LPAR5: variants seen among roughly 807,000 people sequenced by gnomAD.
LPAR5 encodes lysophosphatidic acid receptor 5, also known as G protein-coupled receptor 92.
For synonymous variants in LPAR5, 271 were observed against 261.6 expected, an observed-to-expected ratio of 1.04 and a Z score of -0.35; for missense variants, 544 against 521.8, an observed-to-expected ratio of 1.04 and a Z score of -0.41.
chr12:6,627,147 C>A (rs1565387519), intron 1 of LPAR5, among the ~76,000 whole-genome samples: 1 of 152,178 alleles, frequency 6.6e-6, no homozygotes. Context: ...ATAACCACTT[C>A]CAAAAGTGGT....
chr12:6,628,116 G>T (rs553007757), intron 1 of LPAR5, among the ~76,000 whole-genome samples: 1 of 149,216 alleles, frequency 6.7e-6, no homozygotes, highest in African/African-American at 2.4e-5. Context: ...CTGCCTCCCG[G>T]GTTCACGCCA....
chr12:6,628,880 C>T lies in LPAR5; in HGVS notation c.-217+7027G>A, dbSNP rs148214715. On this transcript the variant is annotated intron_variant, in intron 1 of 1. Transcript: ENST00000329858. Reference sequence around the variant, plus strand: ...CTCCCAACCTCAGGTGATCTGCCCGCCTCAGCCTCCAAAAAATGCTGGGAT... The same window carrying T: ...CTCCCAACCTCAGGTGATCTGCCCGTCTCAGCCTCCAAAAAATGCTGGGAT... Among the ~76,000 whole-genome samples the T allele has an allele frequency of 4.5e-3, 689 of 151,718 alleles. 3 individuals are homozygous for T. The highest frequency in any genetic ancestry group is 8.4e-3 in the Non-Finnish European group (569 of 67,916).
intron 1 of LPAR5, among the ~76,000 whole-genome samples, chr12:6,623,075 T>C (rs547232190): frequency 8.9e-4 from 135 of 151,966 alleles, no homozygotes; most frequent in African/African-American, 3.0e-3. Context: ...CTGTCTCTAC[T>C]AAAAATACAA....
rs764254255 is a variant in LPAR5, at chr12:6,620,964, C to T, written c.285G>A (p.Gln95=). The T allele has an allele frequency of 1.8e-5, 29 of 1,613,110 alleles. No homozygotes were observed. The highest frequency in any genetic ancestry group is 1.7e-5 in the Admixed American group (1 of 59,870). Residue 95 remains glutamine (Q), a synonymous_variant, in exon 2 of 2, where the codon CAG becomes CAA. Transcript: ENST00000329858. This position sits in a 1 kb window ranked among gnomAD's most constrained non-coding sequence, Gnocchi z 6.8. ...HHWPFPDLLC[Q]TTGAIFQMNM... ...TCATCTGGAAGATGGCGCCCGTCGTCTGGCACAGGAGGTCGGGGAAGGGCC... is the reference window on the plus strand; with the variant it reads ...TCATCTGGAAGATGGCGCCCGTCGTTTGGCACAGGAGGTCGGGGAAGGGCC...
chr12:6,635,102 AAAG>A (rs1555077336), intron 1 of LPAR5, among the ~76,000 whole-genome samples: 2 of 146,108 alleles, frequency 1.4e-5, no homozygotes, highest in East Asian at 4.0e-4. Flanking sequence ...AAAAAAAAAG[AAAG>A]GAAGGAAGGA....
Position 6,633,901 on chromosome 12 carries a change from C to T in LPAR5, c.-217+2006G>A, listed in dbSNP as rs1020634054. Among the ~76,000 whole-genome samples the T allele has an allele frequency of 2.6e-5, 4 of 152,162 alleles. No homozygotes were observed. The East Asian group carries it at 7.7e-4, about 29-fold the overall frequency. On this transcript the variant is annotated intron_variant, in intron 1 of 1. Transcript: ENST00000329858. ...ATACTGCATGTGAGTAAGTTTCTGT[C>T]TCACCTCAATCCCTGCCTCCATGTC... is the stretch of plus-strand genomic sequence containing the variant.
chr12:6,632,157 G>C (rs1948984282), intron 1 of LPAR5, among the ~76,000 whole-genome samples: 1 of 152,074 alleles, frequency 6.6e-6, no homozygotes, highest in South Asian at 2.1e-4. Flanking sequence ...ATTTTTCGTA[G>C]AGACGGGGTT....
chr12:6,628,682 G>A (rs1948961968), intron 1 of LPAR5, among the ~76,000 whole-genome samples: 1 of 144,708 alleles, frequency 6.9e-6, no homozygotes, highest in Non-Finnish European at 1.5e-5. Context: ...GCCCAGACTG[G>A]AGTGCAATGG....
rs770959420 is a variant in LPAR5, at chr12:6,620,919, G to T, written c.330C>A (p.Ile110=). Residue 110 remains isoleucine (I), a synonymous_variant, in exon 2 of 2, where the codon ATC becomes ATA. Coordinates refer to ENST00000329858, the MANE Select transcript of LPAR5 (RefSeq NM_020400.6). This position sits in a 1 kb window ranked among gnomAD's most constrained non-coding sequence, Gnocchi z 6.8. ...GGTCCACGTTGATGAGCATCAGGAA[G>T]ATGCAGCTGCCGTACATGTTCATCT... ...IFQMNMYGSC[I]FLMLINVDRY... The T allele has an allele frequency of 2.5e-6, 4 of 1,602,578 alleles. No individual in the cohort carries two copies. The highest frequency in any genetic ancestry group is 3.4e-5 in the Admixed American group (2 of 58,232).
At chr12:6,626,067 C>T (rs182931997) in intron 1 of LPAR5, among the ~76,000 whole-genome samples, 33 of 152,138 alleles carry the variant, frequency 2.2e-4, no homozygotes, top group African/African-American at 5.8e-4. Context: ...GTCAGGAGCT[C>T]GAAACCAGCC....
rs376227777 is a variant in LPAR5, at chr12:6,620,745, C to A, written c.504G>T (p.Arg168=). ...CGAAGCATAGGCGCACCTCGAGGTC[C>A]CGGTAGCGGCAACGCGAGGGCCTGT... ...RVHRPSRCRY[R]DLEVRLCFES... The change falls in exon 2 of 2, where the codon CGG becomes CGT. Residue 168 remains arginine, a synonymous_variant. Transcript: ENST00000329858. The surrounding 1 kb of genome is among the most constrained non-coding windows in gnomAD (Gnocchi z 6.8). 1.3e-6 allele frequency: 2 copies of A among 1,592,024 alleles called. No individual in the cohort carries two copies. Among genetic ancestry groups the A allele is most frequent in the East Asian group, 2.3e-5 (1 of 44,208 alleles).
At chr12:6,626,679 ATGTTTTCAGGACTC>A (rs1213671137) in intron 1 of LPAR5, among the ~76,000 whole-genome samples, 4 of 152,096 alleles carry the variant, frequency 2.6e-5, no homozygotes, top group African/African-American at 9.7e-5. Context: ...GACATACCTT[ATGTTTTCAGGACTC>A]TGCCTTTGTA....
intron 1 of LPAR5, among the ~76,000 whole-genome samples, chr12:6,633,392 G>A (rs1423693425): frequency 6.6e-6 from 1 of 151,786 alleles, no homozygotes; most frequent in Non-Finnish European, 1.5e-5. Context: ...TGCTCTTGCC[G>A]GTTCCTTCTC....
chr12:6,621,033 G>C lies in LPAR5; in HGVS notation c.216C>G (p.Thr72=). The C allele has an allele frequency of 6.2e-7, 1 of 1,609,536 alleles. No homozygotes were observed. The highest frequency in any genetic ancestry group is 1.1e-5 in the South Asian group (1 of 90,758). The change falls in exon 2 of 2, where the codon ACC becomes ACG. Residue 72 remains threonine (T), a synonymous_variant. Coordinates refer to ENST00000329858, the MANE Select transcript of LPAR5 (RefSeq NM_020400.6). ...CNLAASDLLF[T]LSLPVRLSYY... The stretch of plus-strand genomic sequence containing the variant: ...AGGAGAGACGAACGGGCAGCGAGAG[G>C]GTGAAGAGCAGGTCGCTGGCCGCCA...
At chr12:6,635,086 CAAA>C (rs11438544) in intron 1 of LPAR5, among the ~76,000 whole-genome samples, 15 of 118,788 alleles carry the variant, frequency 1.3e-4, no homozygotes, top group African/African-American at 2.0e-4. Flanking sequence ...GACTCTGTCT[CAAA>C]AAAAAAAAAA....
intron 1 of LPAR5, among the ~76,000 whole-genome samples, chr12:6,629,721 G>A (rs1035220112): frequency 6.6e-6 from 1 of 150,494 alleles, no homozygotes; most frequent in African/African-American, 2.4e-5. Flanking sequence ...TATTAGTTGA[G>A]CGGCTACTTA....
Position 6,620,349 on chromosome 12 carries a change from G to A in LPAR5, c.900C>T (p.Ser300=), listed in dbSNP as rs1372302644. ...GCAGGGTGTTGCGGAAGCCCTCGGC[G>A]CTAAAGTAGTACACCAGCGGGTCCA... The part of the protein sequence containing the change: ...CVLDPLVYYF[S]AEGFRNTLRG... Residue 300 remains serine, a synonymous_variant, in exon 2 of 2, where the codon AGC becomes AGT. Coordinates refer to ENST00000329858, the MANE Select transcript of LPAR5 (RefSeq NM_020400.6). This position sits in a 1 kb window ranked among gnomAD's most constrained non-coding sequence, Gnocchi z 6.8. 2 of 1,611,004 alleles carry A rather than the reference G, an allele frequency of 1.2e-6. No individual in the cohort carries two copies. The highest frequency in any genetic ancestry group is 1.7e-6 in the Non-Finnish European group (2 of 1,178,938).
At chr12:6,623,390 C>T (rs888302297) in intron 1 of LPAR5, among the ~76,000 whole-genome samples, 4 of 151,962 alleles carry the variant, frequency 2.6e-5, no homozygotes, top group Admixed American at 6.6e-5. Flanking sequence ...AAAGATTAGC[C>T]GGGTATGGTG....
chr12:6,635,723 T>C (rs972673872), intron 1 of LPAR5, among the ~76,000 whole-genome samples, 184 bp downstream of exon 1: 3 of 152,154 alleles, frequency 2.0e-5, no homozygotes, highest in Admixed American at 1.3e-4. Flanking sequence ...TAGCTGTTTG[T>C]CCAGCGCCAT....
Sources: allele counts gnomAD v4.1 joint callset (sites outside exome capture counted in the v4.1 genomes callset), GRCh38; gene constraint gnomAD v4.1.1; non-coding constraint Gnocchi (gnomAD v3.1); transcripts MANE v1.5; gene names NCBI Gene and HGNC (gene_info 2026-07-23, HGNC 2026-07-21).